ACCSL: variants seen among roughly 807,000 people sequenced by gnomAD.
ACCSL encodes the protein 1-aminocyclopropane-1-carboxylate synthase homolog (inactive) like.
Under a neutral mutation model 61.7 loss-of-function variants are expected in ACCSL, and 55 were observed. The ratio of observed to expected loss-of-function variants is 0.89; its 90% CI spans 0.72 to 1.12. The LOEUF (loss-of-function observed/expected upper bound fraction) is 1.12. ACCSL is among the 50% of genes most tolerant of loss of function. ACCSL has a pLI of 0.00. For missense variants in ACCSL, 632 were observed against 698.0 expected, an observed-to-expected ratio of 0.91 and a Z score of 1.07; for synonymous variants, 258 against 264.3, an observed-to-expected ratio of 0.98 and a Z score of 0.23.
At chr11:43,987,702 G>A in the ACCSL span, among the ~76,000 whole-genome samples, 209 of 152,192 alleles carry the variant, frequency 1.4e-3, 2 homozygotes, top group African/African-American at 4.7e-3. Context: ...GTTTCTACCC[G>A]GTGAAAGGAG....
At chr11:43,933,963 A>C in the ACCSL span, among the ~76,000 whole-genome samples, 2 of 152,084 alleles carry the variant, frequency 1.3e-5, no homozygotes, top group African/African-American at 4.8e-5. Context: ...CTCAGATTAC[A>C]CAGTGAGCTC....
chr11:44,026,092 C>A, the ACCSL span, among the ~76,000 whole-genome samples: 12 of 152,292 alleles, frequency 7.9e-5, no homozygotes, highest in East Asian at 2.3e-3. Context: ...CAAATTTGTG[C>A]AGTTTTCAGC....
chr11:43,970,307 G>A, the ACCSL span, among the ~76,000 whole-genome samples: 2 of 152,126 alleles, frequency 1.3e-5, no homozygotes, highest in Admixed American at 6.5e-5. Context: ...CTGGGCTCAC[G>A]TGATCCTCCC....
At chr11:43,936,236 C>G in the ACCSL span, among the ~76,000 whole-genome samples, 8 of 152,294 alleles carry the variant, frequency 5.3e-5, no homozygotes, top group African/African-American at 1.9e-4. Context: ...CAGCGTTGCT[C>G]GGGCTGGCTT....
At chr11:44,045,677 G>A (rs966046802), upstream of ACCSL, among the ~76,000 whole-genome samples, 5 of 152,120 alleles carry the variant, frequency 3.3e-5, no homozygotes, top group African/African-American at 1.2e-4. Flanking sequence ...CCGGCTGAGT[G>A]CTTGGTATAT....
the ACCSL span, among the ~76,000 whole-genome samples, chr11:43,982,569 T>C: frequency 6.6e-6 from 1 of 152,078 alleles, no homozygotes; most frequent in Non-Finnish European, 1.5e-5. Context: ...GCTTTCTTTA[T>C]TGATGTGTGT....
At chr11:43,978,661 G>C in the ACCSL span, among the ~76,000 whole-genome samples, 8 of 152,106 alleles carry the variant, frequency 5.3e-5, no homozygotes, top group African/African-American at 1.9e-4. Context: ...CTTTGAGGTG[G>C]GAAAACTTGT....
the ACCSL span, among the ~76,000 whole-genome samples, chr11:44,033,430 G>A: frequency 4.6e-5 from 7 of 152,074 alleles, no homozygotes; most frequent in Non-Finnish European, 8.8e-5. Context: ...CCCAGAAAAT[G>A]AGCAGATGAA....
At chr11:43,936,570 C>A in the ACCSL span, among the ~76,000 whole-genome samples, 3 of 151,958 alleles carry the variant, frequency 2.0e-5, no homozygotes, top group African/African-American at 7.3e-5. Flanking sequence ...ATTGCTTCTA[C>A]ACACTGGCAC....
the ACCSL span, among the ~76,000 whole-genome samples, chr11:43,993,125 C>T: frequency 6.6e-6 from 1 of 152,196 alleles, no homozygotes; most frequent in Non-Finnish European, 1.5e-5. Context: ...CCGCAGACCT[C>T]AGTACAGGGT....
At chr11:43,978,294 G>A in the ACCSL span, among the ~76,000 whole-genome samples, 2 of 152,098 alleles carry the variant, frequency 1.3e-5, no homozygotes, top group African/African-American at 4.8e-5. Flanking sequence ...ACAGGCATGA[G>A]CCACTGTGCC....
At chr11:44,038,846 C>A in the ACCSL span, among the ~76,000 whole-genome samples, 4 of 152,152 alleles carry the variant, frequency 2.6e-5, no homozygotes, top group African/African-American at 4.8e-5. Flanking sequence ...CCAACCTCTC[C>A]CTTTTCCTTA....
At chr11:44,030,305 C>T in the ACCSL span, among the ~76,000 whole-genome samples, 23 of 151,552 alleles carry the variant, frequency 1.5e-4, no homozygotes, top group Non-Finnish European at 8.8e-5. Context: ...GCCCCTTCTC[C>T]CCACCTTTCC....
the ACCSL span, among the ~76,000 whole-genome samples, chr11:44,010,681 T>C: frequency 0.019 from 2,929 of 152,268 alleles, 111 homozygotes; most frequent in African/African-American, 0.067. Flanking sequence ...TTGTACATGG[T>C]CTGGTGCTGA....
At chr11:44,014,679 G>C in the ACCSL span, among the ~76,000 whole-genome samples, 3 of 152,168 alleles carry the variant, frequency 2.0e-5, 1 homozygote, top group Non-Finnish European at 4.4e-5. Context: ...GGTCCATCTT[G>C]GAGGATGGTG....
At chr11:44,038,458 C>T in the ACCSL span, among the ~76,000 whole-genome samples, 1 of 152,158 alleles carries the variant, frequency 6.6e-6, no homozygotes. Flanking sequence ...AGAGCTTAGA[C>T]TTGAAGTATA....
At chr11:43,973,544 C>G in the ACCSL span, among the ~76,000 whole-genome samples, 1 of 152,178 alleles carries the variant, frequency 6.6e-6, no homozygotes, top group African/African-American at 2.4e-5. Context: ...CATCTTCTTA[C>G]TGGTCTAACC....
chr11:43,992,828 A>G, the ACCSL span, among the ~76,000 whole-genome samples: 6 of 152,210 alleles, frequency 3.9e-5, no homozygotes, highest in Non-Finnish European at 4.4e-5. Context: ...ACACAGTGGA[A>G]GTTTATTTCT....
At chr11:43,925,912 T>C in the ACCSL span, among the ~76,000 whole-genome samples, 5 of 152,146 alleles carry the variant, frequency 3.3e-5, no homozygotes, top group Non-Finnish European at 5.9e-5. Context: ...AGTAATATGA[T>C]TTTTTAAGTG....
Sources: gnomAD v4.1 joint callset for allele counts (sites outside exome capture counted in the v4.1 genomes callset) on GRCh38, gnomAD v4.1.1 for gene constraint, MANE v1.5 for transcripts, NCBI Gene and HGNC (gene_info 2026-07-23, HGNC 2026-07-21) for gene names.